Variants in UQCC1 observed in about 807,000 individuals in gnomAD.
UQCC1 encodes ubiquinol-cytochrome c reductase complex assembly factor 1.
Under a neutral mutation model 48.0 loss-of-function variants are expected in UQCC1, and 38 were observed. The observed-to-expected ratio is 0.79, with a 90% CI of 0.61 to 1.04. The LOEUF is 1.04. Ranked by LOEUF, UQCC1 falls within the 50% of genes least tolerant of loss-of-function variation. The pLI is 0.00. For synonymous variants in UQCC1, 111 were observed against 129.2 expected, an observed-to-expected ratio of 0.86 and a Z score of 0.95; for missense variants, 368 against 381.8, an observed-to-expected ratio of 0.96 and a Z score of 0.30.
intron 4 of UQCC1, among the ~76,000 whole-genome samples, chr20:35,376,905 G>A (rs1765546544): frequency 6.6e-6 from 1 of 151,332 alleles, no homozygotes; most frequent in Admixed American, 6.6e-5. Flanking sequence ...TGAGCTGAGT[G>A]CGCCACTGCA....
At chr20:35,406,858 T>C (rs2062258138) in intron 1 of UQCC1, among the ~76,000 whole-genome samples, 4 of 152,226 alleles carry the variant, frequency 2.6e-5, no homozygotes, top group Admixed American at 1.3e-4. Flanking sequence ...AACAGAGCTA[T>C]ATAGAAAGAA....
chr20:35,366,165 GT>G (rs1165922928), intron 6 of UQCC1, among the ~76,000 whole-genome samples: 1 of 152,154 alleles, frequency 6.6e-6, no homozygotes, highest in Non-Finnish European at 1.5e-5. Context: ...GCTATAATTT[GT>G]TATAGGTTTC....
At chr20:35,392,827 T>TA (rs2062029123) in intron 2 of UQCC1, among the ~76,000 whole-genome samples, 1 of 151,472 alleles carries the variant, frequency 6.6e-6, no homozygotes. Flanking sequence ...ATAATATATA[T>TA]AATTACATAT....
intron 6 of UQCC1, among the ~76,000 whole-genome samples, chr20:35,359,680 G>T (rs959020267): frequency 6.6e-6 from 1 of 152,076 alleles, no homozygotes; most frequent in Non-Finnish European, 1.5e-5. Context: ...CAGGCACTTG[G>T]GCAGGTTCGT....
intron 7 of UQCC1, among the ~76,000 whole-genome samples, chr20:35,317,699 A>T (rs2061077494): frequency 6.6e-6 from 1 of 152,200 alleles, no homozygotes; most frequent in Non-Finnish European, 1.5e-5. Context: ...CACCCCCATC[A>T]TCTGGTCCAG....
intron 7 of UQCC1, among the ~76,000 whole-genome samples, chr20:35,327,176 C>T (rs2061204353): frequency 6.6e-6 from 1 of 152,186 alleles, no homozygotes; most frequent in African/African-American, 2.4e-5. Context: ...GTGAAAGGGG[C>T]GGGGTCACCC....
rs1469355962 is a variant in UQCC1 at position 35,302,784 on chromosome 20, TGA to T, written c.*1149_*1150del. ...CGCAACAAAAGCATCTTAAATAAAC[TGA>T]GAGAAGCGGTTTGATTTGTAATGTT... On this transcript the variant is annotated 3_prime_UTR_variant, in exon 10 of 10. Coordinates refer to ENST00000374385, the MANE Select transcript of UQCC1 (RefSeq NM_018244.5). 2.0e-5 allele frequency: 3 copies of T among 152,376 alleles called. No individual in the cohort carries two copies. The highest frequency in any genetic ancestry group is 1.9e-4 in the East Asian group (1 of 5,192). The allele number at this position is 152,376 out of a possible 1,614,324, so 9.4% of individuals were successfully genotyped here. A position where few individuals can be genotyped will look rare whatever the true frequency, so the allele number is the denominator to read the frequency against.
intron 4 of UQCC1, among the ~76,000 whole-genome samples, chr20:35,376,778 C>T (rs1289319288): frequency 1.3e-5 from 2 of 152,046 alleles, no homozygotes; most frequent in Non-Finnish European, 2.9e-5. Context: ...TCCTGGCCAA[C>T]ATGGTGAAAC....
chr20:35,328,845 A>C (rs895966812), intron 7 of UQCC1, among the ~76,000 whole-genome samples: 2 of 152,170 alleles, frequency 1.3e-5, no homozygotes, highest in Admixed American at 6.5e-5. Context: ...AAGTGAACTC[A>C]TATCTTTCTC....
chr20:35,370,324 C>T (rs1570003), intron 5 of UQCC1, among the ~76,000 whole-genome samples: 7 of 151,288 alleles, frequency 4.6e-5, no homozygotes, highest in Non-Finnish European at 8.8e-5. Flanking sequence ...TGGGATTACA[C>T]GTGTGAGCCA....
intron 6 of UQCC1, among the ~76,000 whole-genome samples, chr20:35,364,440 T>A (rs1207691908): frequency 6.6e-6 from 1 of 152,154 alleles, no homozygotes; most frequent in Non-Finnish European, 1.5e-5. Context: ...TGTATCTGAT[T>A]TGCCCAAAAG....
chr20:35,394,869 G>T (rs547287507), intron 1 of UQCC1, among the ~76,000 whole-genome samples: 2 of 152,220 alleles, frequency 1.3e-5, no homozygotes, highest in Admixed American at 1.3e-4. Flanking sequence ...GGGTCCCCAG[G>T]TTACTCACAC....
intron 3 of UQCC1, among the ~76,000 whole-genome samples, chr20:35,382,671 G>A (rs544808539): frequency 5.9e-5 from 9 of 151,478 alleles, no homozygotes; most frequent in Admixed American, 3.3e-4. Context: ...CACCACGCCC[G>A]GCTAATTTTT....
intron 7 of UQCC1, among the ~76,000 whole-genome samples, chr20:35,317,503 C>A (rs1379739542): frequency 2.0e-5 from 3 of 152,202 alleles, no homozygotes; most frequent in Admixed American, 6.5e-5. Context: ...GGAGTGCAAA[C>A]CATGACCTAT....
At chr20:35,342,106 G>A (rs946506792) in intron 7 of UQCC1, among the ~76,000 whole-genome samples, 2 of 152,304 alleles carry the variant, frequency 1.3e-5, no homozygotes, top group Non-Finnish European at 2.9e-5. Flanking sequence ...AGCTCTGCTA[G>A]AGAGTGAGCA....
chr20:35,315,187 G>A (rs1348122581), intron 7 of UQCC1: 1 of 160,590 alleles, frequency 6.2e-6, no homozygotes, highest in Non-Finnish European at 1.4e-5. Flanking sequence ...CTGCTTGAGG[G>A]AGCTGGTAAG....
intron 2 of UQCC1, among the ~76,000 whole-genome samples, chr20:35,387,064 T>C (rs1028799613): frequency 6.6e-6 from 1 of 151,486 alleles, no homozygotes. Context: ...GTTGCCTGAG[T>C]CCAGGAGTTA....
At chr20:35,367,852 G>GA (rs2061686922) in intron 5 of UQCC1, among the ~76,000 whole-genome samples, 1 of 152,178 alleles carries the variant, frequency 6.6e-6, no homozygotes, top group South Asian at 2.1e-4. Flanking sequence ...TGTACTTACT[G>GA]AAAGGCTGTT....
chr20:35,327,538 T>C (rs1241039448), intron 7 of UQCC1, among the ~76,000 whole-genome samples: 1 of 152,216 alleles, frequency 6.6e-6, no homozygotes, highest in East Asian at 1.9e-4. Flanking sequence ...TTGTTTGTTT[T>C]AAGGCTCAAA....
Sources: gnomAD v4.1 joint callset for allele counts (sites outside exome capture counted in the v4.1 genomes callset) on GRCh38, gnomAD v4.1.1 for gene constraint, MANE v1.5 for transcripts, NCBI Gene and HGNC (gene_info 2026-07-23, HGNC 2026-07-21) for gene names.